The following NPTN variants were observed in gnomAD, a reference collection of about 807,000 sequenced individuals.
The protein encoded by NPTN is neuroplastin.
Under a neutral mutation model 42.7 loss-of-function variants are expected in NPTN, and 5 were observed. The ratio of observed to expected loss-of-function variants is 0.12; its 90% CI spans 0.06 to 0.25. NPTN has a LOEUF of 0.25. Ranked by LOEUF, NPTN falls within the 10% of genes least tolerant of loss-of-function variation. The pLI is 1.00. For missense variants in NPTN, 307 were observed against 525.4 expected, an observed-to-expected ratio of 0.58 and a Z score of 4.06; for synonymous variants, 180 against 201.9, an observed-to-expected ratio of 0.89 and a Z score of 0.92.
intron 6 of NPTN, among the ~76,000 whole-genome samples, chr15:73,566,282 T>C (rs1894998476): frequency 6.6e-6 from 1 of 152,210 alleles, no homozygotes; most frequent in African/African-American, 2.4e-5. Context: ...GACCAACGAA[T>C]AGATTTTGGA....
intron 1 of NPTN, among the ~76,000 whole-genome samples, chr15:73,627,372 T>G (rs1326947361): frequency 6.6e-6 from 1 of 152,254 alleles, no homozygotes; most frequent in African/African-American, 2.4e-5. Flanking sequence ...TACCATTTAG[T>G]GCTTTTTAGT....
At chr15:73,580,136 T>C (rs373060639) in intron 4 of NPTN, among the ~76,000 whole-genome samples, 6 of 151,838 alleles carry the variant, frequency 4.0e-5, no homozygotes, top group East Asian at 3.9e-4. Context: ...AAGTTCAGGG[T>C]TGTGTGAATC....
At chr15:73,608,977 T>C (rs769230993) in intron 1 of NPTN, among the ~76,000 whole-genome samples, 6 of 152,162 alleles carry the variant, frequency 3.9e-5, no homozygotes, top group Non-Finnish European at 7.3e-5. Context: ...GCTGGAAATA[T>C]GCACTTGGGA....
intron 1 of NPTN, among the ~76,000 whole-genome samples, chr15:73,606,494 A>G (rs1189259341): frequency 6.6e-6 from 1 of 152,192 alleles, no homozygotes; most frequent in Non-Finnish European, 1.5e-5. Flanking sequence ...AATGCACACA[A>G]ATAAGCTATA....
chr15:73,583,870 T>C (rs1896185869), intron 4 of NPTN, among the ~76,000 whole-genome samples: 1 of 152,214 alleles, frequency 6.6e-6, no homozygotes, highest in African/African-American at 2.4e-5. Flanking sequence ...TGGGTATCAC[T>C]GTTCTTCACA....
intron 1 of NPTN, among the ~76,000 whole-genome samples, chr15:73,602,994 A>C (rs1335390431): frequency 2.2e-4 from 34 of 152,208 alleles, no homozygotes; most frequent in Non-Finnish European, 4.4e-5. Context: ...AAATAGGGGA[A>C]TCTAGTTCAT....
At chr15:73,576,302 A>G (rs1232549402) in intron 4 of NPTN, among the ~76,000 whole-genome samples, 1 of 152,184 alleles carries the variant, frequency 6.6e-6, no homozygotes, top group Non-Finnish European at 1.5e-5. Flanking sequence ...AGTATATACA[A>G]GGTTCCTGAC....
At position 73,560,129 on chromosome 15, in the gene NPTN, A is replaced by C; in HGVS notation, c.*934T>G. ...ACATGCATCTACAATTACGCACCGC[A>C]TGAGAACCGTTAGGTTATAAAATCT... On this transcript the variant is annotated 3_prime_UTR_variant, in exon 9 of 9. Transcript: ENST00000345330. 4.7e-6 allele frequency: 2 copies of C among 426,114 alleles called. No homozygotes were observed. The highest frequency in any genetic ancestry group is 3.8e-5 in the South Asian group (1 of 26,598). 26.4% of individuals were successfully genotyped at this position (426,114 alleles called of 1,614,324 possible). A position where few individuals can be genotyped will look rare whatever the true frequency, so the allele number is the denominator to read the frequency against.
intron 1 of NPTN, among the ~76,000 whole-genome samples, chr15:73,607,969 A>G (rs1473792576): frequency 2.0e-5 from 3 of 152,196 alleles, no homozygotes. Context: ...GTTTAAATGG[A>G]AGGAAAACAA....
intron 7 of NPTN, among the ~76,000 whole-genome samples, chr15:73,562,617 G>A (rs531667152): frequency 6.6e-4 from 101 of 152,250 alleles, no homozygotes; most frequent in African/African-American, 2.2e-3. Flanking sequence ...AGATTCTGCC[G>A]ATCTTAGATT....
chr15:73,563,460 G>T, intron 6 of NPTN: 1 of 1,389,196 alleles, frequency 7.2e-7, no homozygotes, highest in Non-Finnish European at 9.3e-7. Flanking sequence ...TAAATGGCAG[G>T]TATGTTGTTT....
In NPTN at chr15:73,562,102, G is replaced by A. The variant is rs945546801; in HGVS notation, c.1137-132C>T. On this transcript the variant is annotated intron_variant, in intron 7 of 8. Coordinates refer to ENST00000345330, the MANE Select transcript of NPTN (RefSeq NM_012428.4). ...AGTGAGAAATTTTGTGGCACAATAT[G>A]AGTGCATAAAAAAACATTCCTTAAG... 1.5e-5 allele frequency: 10 copies of A among 672,966 alleles called. No homozygotes were observed. In the African/African-American group the frequency reaches 1.9e-4, roughly 13 times the overall value. The allele number at this position is 672,966 out of a possible 1,614,324, so 41.7% of individuals were successfully genotyped here. A position where few individuals can be genotyped will look rare whatever the true frequency, so the allele number is the denominator to read the frequency against.
intron 4 of NPTN, among the ~76,000 whole-genome samples, chr15:73,584,021 T>C (rs184412620): frequency 1.3e-5 from 2 of 152,218 alleles, no homozygotes; most frequent in Admixed American, 6.5e-5. Flanking sequence ...TAGTCAAATA[T>C]AGAGAAAGCT....
At chr15:73,599,752 A>G (rs1245315309) in intron 1 of NPTN, among the ~76,000 whole-genome samples, 1 of 152,222 alleles carries the variant, frequency 6.6e-6, no homozygotes, top group Non-Finnish European at 1.5e-5. Context: ...AAATGCAGTA[A>G]AAGTATTATT....
At chr15:73,586,992 C>T (rs1373294624) in intron 4 of NPTN, among the ~76,000 whole-genome samples, 1 of 152,164 alleles carries the variant, frequency 6.6e-6, no homozygotes, top group African/African-American at 2.4e-5. Flanking sequence ...CTTTCTGCTA[C>T]TGCCTCATCT....
chr15:73,573,988 G>A (rs568042675), intron 4 of NPTN, among the ~76,000 whole-genome samples, 193 bp from the exon 5 acceptor site: 48 of 152,260 alleles, frequency 3.2e-4, no homozygotes, highest in African/African-American at 1.0e-3. Context: ...CCCCCCACCC[G>A]CTAAAGATGC....
rs759500329 is a variant in NPTN at position 73,573,706 on chromosome 15, G to A, written c.796C>T (p.His266Tyr). The change falls in exon 5 of 9, where the codon CAC becomes TAC. Residue 266 changes from histidine to tyrosine, a missense_variant. His to Tyr is a moderately conservative substitution (Grantham distance 83, BLOSUM62 2). Transcript: ENST00000345330. The part of the protein sequence containing the change: ...TMYCKSVGYP[H>Y]PDWIWRKKEN... ...TTCTTGCGCCATATCCAGTCTGGGT[G>A]GGGGTAGCCAACTGACTTGCAATAC... is the stretch of plus-strand genomic sequence containing the variant. The A allele has an allele frequency of 6.3e-7, 1 of 1,595,828 alleles. No individual in the cohort carries two copies. Among genetic ancestry groups the A allele is most frequent in the Admixed American group, 1.8e-5 (1 of 57,112 alleles).
intron 1 of NPTN, among the ~76,000 whole-genome samples, chr15:73,625,045 G>C (rs921047804): frequency 3.3e-5 from 5 of 152,080 alleles, no homozygotes; most frequent in Non-Finnish European, 7.4e-5. Flanking sequence ...TAAATGTCTA[G>C]TGAAAATCCT....
At chr15:73,571,115 T>C (rs778398289) in intron 5 of NPTN, among the ~76,000 whole-genome samples, 1 of 152,178 alleles carries the variant, frequency 6.6e-6, no homozygotes, top group Middle Eastern at 3.4e-3. Context: ...ACCCCATCTC[T>C]ACAAAAAATC....
Sources: gnomAD v4.1 joint callset for allele counts (sites outside exome capture counted in the v4.1 genomes callset) on GRCh38, gnomAD v4.1.1 for gene constraint, MANE v1.5 for transcripts, NCBI Gene and HGNC (gene_info 2026-07-23, HGNC 2026-07-21) for gene names.